Variants in LINC00305 observed in about 807,000 individuals in gnomAD.
LINC00305 encodes the protein long independently transcribed non-coding RNA 305.
exon 2 of LINC00305, chr18:64,098,603 T>C: frequency 4.5e-6 from 2 of 441,544 alleles, no homozygotes; most frequent in South Asian, 3.3e-5. Context: ...TCTATGAAGG[T>C]TGATCATATC....
chr18:64,092,615 T>A (rs1389264061), intron 3 of LINC00305, among the ~76,000 whole-genome samples: 1 of 152,130 alleles, frequency 6.6e-6, no homozygotes, highest in East Asian at 1.9e-4. Flanking sequence ...AAATTAAGGA[T>A]GATGGGATGT....
In LINC00305 at chr18:64,140,175, G is replaced by A. The variant is rs139941717; in HGVS notation, n.314+8600C>T. Among the ~76,000 whole-genome samples, 191 of 151,962 alleles carry A rather than the reference G, an allele frequency of 1.3e-3. 1 individual carries two copies. Among genetic ancestry groups the A allele is most frequent in the African/African-American group, 4.4e-3 (182 of 41,430 alleles). On this transcript the variant is annotated intron_variant and non_coding_transcript_variant, in intron 1 of 3. Coordinates refer to ENST00000666468, the Ensembl canonical transcript of LINC00305. The stretch of plus-strand genomic sequence containing the variant: ...GACTATCCAATCGGAATTACCTTGC[G>A]TTCCTCCTCCTCTTTACTCTCTGCT...
At chr18:64,110,463 G>T (rs551276004) in intron 1 of LINC00305, among the ~76,000 whole-genome samples, 44 of 152,278 alleles carry the variant, frequency 2.9e-4, no homozygotes, top group Non-Finnish European at 6.0e-4. Context: ...AGCTTACTGG[G>T]TTCTACTAGA....
intron 3 of LINC00305, chr18:64,080,403 C>T (rs2051180208): frequency 2.2e-6 from 1 of 452,174 alleles, no homozygotes. Context: ...TTCCTGCATG[C>T]TGTACAAACA....
chr18:64,122,510 T>C (rs1360427389), intron 1 of LINC00305, among the ~76,000 whole-genome samples: 1 of 152,118 alleles, frequency 6.6e-6, no homozygotes, highest in Non-Finnish European at 1.5e-5. Context: ...TGTGGCTTTA[T>C]TCCTGGGATG....
chr18:64,120,889 A>T (rs1168228851), intron 1 of LINC00305, among the ~76,000 whole-genome samples: 2 of 152,156 alleles, frequency 1.3e-5, no homozygotes, highest in African/African-American at 2.4e-5. Flanking sequence ...ATGATTATAG[A>T]CTACTGGAAA....
intron 3 of LINC00305, among the ~76,000 whole-genome samples, chr18:64,087,863 G>A (rs531588172): frequency 2.3e-4 from 35 of 152,078 alleles, no homozygotes; most frequent in East Asian, 3.9e-4. Context: ...AGGCCGAGGC[G>A]GATGGATCAC....
intron 1 of LINC00305, among the ~76,000 whole-genome samples, chr18:64,116,690 C>T (rs953728552): frequency 1.3e-5 from 2 of 152,140 alleles, no homozygotes; most frequent in African/African-American, 4.8e-5. Flanking sequence ...CATGATCAAG[C>T]TAATTAACAT....
At chr18:64,145,226 T>G (rs550899795) in intron 1 of LINC00305, among the ~76,000 whole-genome samples, 2 of 152,326 alleles carry the variant, frequency 1.3e-5, no homozygotes, top group East Asian at 3.9e-4. Flanking sequence ...CACACTATAT[T>G]GTAAATTCTT....
intron 1 of LINC00305, among the ~76,000 whole-genome samples, chr18:64,112,819 C>T (rs1409046786): frequency 6.6e-6 from 1 of 152,106 alleles, no homozygotes; most frequent in Non-Finnish European, 1.5e-5. Context: ...GCACATTATT[C>T]CCCCTACTGA....
chr18:64,138,563 G>T (rs570198705), intron 1 of LINC00305, among the ~76,000 whole-genome samples: 38 of 152,328 alleles, frequency 2.5e-4, no homozygotes, highest in African/African-American at 7.0e-4. Flanking sequence ...CAATCTGACT[G>T]TTGGTTTGCA....
At chr18:64,085,413 C>T (rs2051199462) in intron 3 of LINC00305, among the ~76,000 whole-genome samples, 2 of 151,832 alleles carry the variant, frequency 1.3e-5, no homozygotes, top group East Asian at 1.9e-4. Context: ...CTCCAGCATA[C>T]TATTTCCATA....
intron 1 of LINC00305, among the ~76,000 whole-genome samples, chr18:64,134,815 C>T (rs1474137690): frequency 6.6e-6 from 1 of 152,098 alleles, no homozygotes; most frequent in Admixed American, 6.6e-5. Flanking sequence ...AAATCAACAT[C>T]GAGTTATAAA....
chr18:64,118,075 T>C (rs1197366319), intron 1 of LINC00305, among the ~76,000 whole-genome samples: 1 of 152,164 alleles, frequency 6.6e-6, no homozygotes, highest in African/African-American at 2.4e-5. Flanking sequence ...ATGCATTATA[T>C]AAAAGTAATT....
chr18:64,116,984 C>A (rs1368548408), intron 1 of LINC00305, among the ~76,000 whole-genome samples: 1 of 152,204 alleles, frequency 6.6e-6, no homozygotes, highest in Non-Finnish European at 1.5e-5. Context: ...GCATTTTTAA[C>A]CTGTGTTTGC....
chr18:64,127,139 A>G (rs189879864), intron 1 of LINC00305, among the ~76,000 whole-genome samples: 31 of 152,220 alleles, frequency 2.0e-4, no homozygotes, highest in Admixed American at 1.7e-3. Context: ...CCAAAATAAC[A>G]TCAGAAATAA....
At chr18:64,141,978 G>A (rs764326156) in intron 1 of LINC00305, among the ~76,000 whole-genome samples, 2 of 152,256 alleles carry the variant, frequency 1.3e-5, no homozygotes, top group South Asian at 4.2e-4. Context: ...GCTAAAATGG[G>A]ATGTACATTA....
intron 1 of LINC00305, among the ~76,000 whole-genome samples, chr18:64,102,284 A>G (rs1012431629): frequency 1.3e-5 from 2 of 152,154 alleles, no homozygotes; most frequent in African/African-American, 4.8e-5. Flanking sequence ...GCTAAGACAT[A>G]TAAACTGATA....
intron 1 of LINC00305, among the ~76,000 whole-genome samples, chr18:64,144,119 A>G (rs1403837013): frequency 6.6e-6 from 1 of 152,164 alleles, no homozygotes; most frequent in African/African-American, 2.4e-5. Flanking sequence ...ATTGGAAAAG[A>G]AGAAACTGGC....
Sources: allele counts gnomAD v4.1 joint callset (sites outside exome capture counted in the v4.1 genomes callset), GRCh38; gene constraint gnomAD v4.1.1; transcripts MANE v1.5; gene names NCBI Gene and HGNC (gene_info 2026-07-23, HGNC 2026-07-21).